Variants in KCNQ5 observed in about 807,000 individuals in gnomAD.
KCNQ5 encodes potassium voltage-gated channel subfamily KQT member 5.
In KCNQ5, 30 loss-of-function variants were observed where a neutral mutation model predicts 98.2. The observed-to-expected ratio is 0.31, with a 90% CI of 0.23 to 0.41. KCNQ5 has a LOEUF of 0.41. KCNQ5 is among the 10% of genes least tolerant of loss of function. The pLI is 1.00. For synonymous variants in KCNQ5, 458 were observed against 449.4 expected, an observed-to-expected ratio of 1.02 and a Z score of -0.24; for missense variants, 835 against 1,182.5, an observed-to-expected ratio of 0.71 and a Z score of 4.31.
intron 2 of KCNQ5, among the ~76,000 whole-genome samples, chr6:73,039,129 A>C (rs1297827260): frequency 1.3e-5 from 2 of 152,128 alleles, no homozygotes; most frequent in East Asian, 3.8e-4. Flanking sequence ...GTATGTGCGT[A>C]AAGTTACCAT....
intron 1 of KCNQ5, among the ~76,000 whole-genome samples, chr6:72,823,155 G>A (rs1253628951): frequency 6.6e-6 from 1 of 152,056 alleles, no homozygotes; most frequent in Admixed American, 6.6e-5. Flanking sequence ...CCACTTAATT[G>A]TAAATTTGAA....
intron 1 of KCNQ5, among the ~76,000 whole-genome samples, chr6:72,680,667 G>C (rs981602721): frequency 6.6e-6 from 1 of 152,058 alleles, no homozygotes; most frequent in African/African-American, 2.4e-5. Flanking sequence ...AGTTAATTTT[G>C]CTTCTCATTA....
chr6:73,113,761 C>T (rs1442704188), intron 7 of KCNQ5, among the ~76,000 whole-genome samples: 1 of 152,236 alleles, frequency 6.6e-6, no homozygotes, highest in Non-Finnish European at 1.5e-5. Flanking sequence ...CAAGGCCTCC[C>T]TCACAGGTAA....
intron 1 of KCNQ5, among the ~76,000 whole-genome samples, chr6:72,758,004 C>T (rs1772056052): frequency 6.6e-6 from 1 of 151,924 alleles, no homozygotes; most frequent in Non-Finnish European, 1.5e-5. Flanking sequence ...CAAGTGGTTT[C>T]CAGTCTGGTA....
At chr6:72,812,351 G>C (rs1775284581) in intron 1 of KCNQ5, among the ~76,000 whole-genome samples, 1 of 152,308 alleles carries the variant, frequency 6.6e-6, no homozygotes, top group South Asian at 2.1e-4. Flanking sequence ...ACTCTGGTTT[G>C]AATGCCTCTG....
chr6:72,938,000 A>G (rs1766025391), intron 1 of KCNQ5, among the ~76,000 whole-genome samples: 1 of 152,166 alleles, frequency 6.6e-6, no homozygotes. Context: ...GTCTGTTTTT[A>G]TCATGTTCAA....
At chr6:72,881,075 G>T (rs72943332) in intron 1 of KCNQ5, among the ~76,000 whole-genome samples, 1,893 of 152,290 alleles carry the variant, frequency 0.012, 17 homozygotes, top group Non-Finnish European at 0.019. Context: ...ATGAGTGATT[G>T]TCACTACATT....
At chr6:72,640,241 T>C (rs1283532334) in intron 1 of KCNQ5, among the ~76,000 whole-genome samples, 2 of 151,960 alleles carry the variant, frequency 1.3e-5, no homozygotes, top group Admixed American at 1.3e-4. Flanking sequence ...GACCTTGACC[T>C]TGGGCAAATC....
At chr6:72,702,019 GT>G (rs914858968) in intron 1 of KCNQ5, among the ~76,000 whole-genome samples, 42 of 152,128 alleles carry the variant, frequency 2.8e-4, no homozygotes, top group African/African-American at 1.0e-3. Context: ...TTTGTGGGCT[GT>G]TTTTTGAGGT....
intron 1 of KCNQ5, among the ~76,000 whole-genome samples, chr6:72,837,103 A>G (rs1157854941): frequency 6.6e-6 from 1 of 152,238 alleles, no homozygotes; most frequent in Non-Finnish European, 1.5e-5. Flanking sequence ...TGAACCACTT[A>G]GCACCTCCTG....
chr6:73,041,849 C>A (rs1582242590), intron 2 of KCNQ5, 87 bp from the exon 3 acceptor site: 1 of 1,452,742 alleles, frequency 6.9e-7, no homozygotes, highest in East Asian at 2.3e-5. Context: ...AGACAAAGTG[C>A]CTAAATGTCC....
intron 1 of KCNQ5, among the ~76,000 whole-genome samples, chr6:72,809,453 G>A (rs186748909): frequency 3.0e-3 from 455 of 152,210 alleles, no homozygotes; most frequent in African/African-American, 0.01. Context: ...TCAGGAGGCT[G>A]AGGCAGGGGA....
intron 1 of KCNQ5, among the ~76,000 whole-genome samples, chr6:72,893,388 T>C (rs1779130097): frequency 6.6e-6 from 1 of 151,966 alleles, no homozygotes; most frequent in South Asian, 2.1e-4. Flanking sequence ...TGTGTGACAA[T>C]GGGCAGGAAA....
rs552768110 is a variant in KCNQ5, at chr6:73,077,386, C to T, written c.681C>T (p.Ala227=). 4 of 1,614,062 alleles carry T rather than the reference C, an allele frequency of 2.5e-6. No individual in the cohort carries two copies. The South Asian group carries it at 3.3e-5, about 13-fold the overall frequency. The part of the protein sequence containing the change: ...VSAKTQGNIF[A]TSALRSLRFL... ...CAAAAACTCAGGGTAATATTTTTGC[C>T]ACGTCTGCACTCAGAAGTCTCCGTT... The change falls in exon 4 of 14, where the codon GCC becomes GCT. Residue 227 remains alanine (A), a synonymous_variant. Transcript: ENST00000370398.
At chr6:73,049,260 T>A (rs1772107662) in intron 3 of KCNQ5, among the ~76,000 whole-genome samples, 1 of 152,228 alleles carries the variant, frequency 6.6e-6, no homozygotes, top group Non-Finnish European at 1.5e-5. Context: ...ACTTTTAAAA[T>A]TAGATTTTAA....
intron 1 of KCNQ5, among the ~76,000 whole-genome samples, chr6:72,711,203 AC>A (rs1179226539): frequency 5.3e-5 from 8 of 152,082 alleles, no homozygotes; most frequent in African/African-American, 1.9e-4. Context: ...ATAAATGTAC[AC>A]AGAGAAAAGA....
Position 72,622,066 on chromosome 6 carries a change from A to T in KCNQ5, c.-124A>T. On this transcript the variant is annotated 5_prime_UTR_variant, in exon 1 of 14. Coordinates refer to ENST00000370398, the MANE Select transcript of KCNQ5 (RefSeq NM_019842.4). This position sits in a 1 kb window ranked among gnomAD's most constrained non-coding sequence, Gnocchi z 6.0. ...GCCTGCTTCCCCGCCCCCGGCTCAG[A>T]GGTCTCTGGCTGGCGGGCGCCCCGT... is the stretch of plus-strand genomic sequence containing the variant. 6 of 788,912 alleles carry T rather than the reference A, an allele frequency of 7.6e-6. No homozygotes were observed. Among genetic ancestry groups the T allele is most frequent in the Non-Finnish European group, 8.5e-6 (5 of 591,440 alleles). 48.9% of individuals were successfully genotyped at this position (788,912 alleles called of 1,614,324 possible).
At chr6:73,039,127 G>A (rs1002086448) in intron 2 of KCNQ5, among the ~76,000 whole-genome samples, 11 of 152,090 alleles carry the variant, frequency 7.2e-5, no homozygotes, top group Non-Finnish European at 1.2e-4. Context: ...GTGTATGTGC[G>A]TAAAGTTACC....
intron 1 of KCNQ5, among the ~76,000 whole-genome samples, chr6:72,698,846 A>G (rs1768654362): frequency 6.6e-6 from 1 of 150,868 alleles, no homozygotes; most frequent in Non-Finnish European, 1.5e-5. Flanking sequence ...TGTTGTAGAG[A>G]TGGGGTCTTG....
Sources: allele counts gnomAD v4.1 joint callset (sites outside exome capture counted in the v4.1 genomes callset), GRCh38; gene constraint gnomAD v4.1.1; non-coding constraint Gnocchi (gnomAD v3.1); transcripts MANE v1.5; gene names NCBI Gene and HGNC (gene_info 2026-07-23, HGNC 2026-07-21).